Variants in CELF2 observed in about 807,000 individuals in gnomAD.
The protein encoded by CELF2 is CUGBP Elav-like family member 2, also known as CUG triplet repeat RNA-binding protein 2.
CELF2 carries 8 observed loss-of-function variants against 62.6 expected under a neutral mutation model. The observed-to-expected ratio is 0.13, with a 90% CI of 0.07 to 0.23. The LOEUF is 0.23. Among genes scored for constraint, CELF2 ranks in the 10% least tolerant of loss-of-function variants. CELF2 has a pLI of 1.00. For synonymous variants in CELF2, 258 were observed against 250.0 expected (o/e 1.03, Z -0.30); for missense variants, 333 against 671.0 (o/e 0.50, Z 5.56).
chr10:10,944,662 C>T (rs1296558821), intron 2 of CELF2, among the ~76,000 whole-genome samples: 7 of 151,696 alleles, frequency 4.6e-5, no homozygotes, highest in South Asian at 2.1e-4. Flanking sequence ...AGTGCAGTGG[C>T]GTGATCTCAG....
chr10:11,273,980 C>CA (rs2084980332), intron 7 of CELF2, among the ~76,000 whole-genome samples: 2 of 141,520 alleles, frequency 1.4e-5, no homozygotes, highest in African/African-American at 5.4e-5. Context: ...CCCCCCCCCC[C>CA]ACCTTGGCCT....
intron 9 of CELF2, among the ~76,000 whole-genome samples, chr10:11,298,619 T>A (rs1344835249): frequency 1.4e-5 from 2 of 142,532 alleles, no homozygotes; most frequent in Non-Finnish European, 3.1e-5. Context: ...TAATGTAATC[T>A]TAATTATTTT....
At chr10:11,109,771 C>T (rs561472230) in intron 1 of CELF2, among the ~76,000 whole-genome samples, 1 of 152,256 alleles carries the variant, frequency 6.6e-6, no homozygotes, top group African/African-American at 2.4e-5. Context: ...AACGCTTGTG[C>T]TCTGCAGGCC....
chr10:10,849,549 C>A (rs1458985260), intron 1 of CELF2, among the ~76,000 whole-genome samples: 1 of 152,196 alleles, frequency 6.6e-6, no homozygotes, highest in Non-Finnish European at 1.5e-5. Flanking sequence ...TCATTTGAGA[C>A]TGAGTTACAG....
At chr10:11,014,551 G>C (rs777501468), upstream of CELF2, among the ~76,000 whole-genome samples, 1 of 152,042 alleles carries the variant, frequency 6.6e-6, no homozygotes, top group African/African-American at 2.4e-5. Context: ...GGCAGGAAAA[G>C]GGTTTGTATT....
intron 3 of CELF2, 144 bp from the exon 4 acceptor site, chr10:11,249,009 T>C: frequency 1.5e-6 from 1 of 646,218 alleles, no homozygotes; most frequent in Non-Finnish European, 2.8e-6. Flanking sequence ...GCTTACTTTT[T>C]AACATAGTTA....
the CELF2 span, chr10:10,786,665 G>C: frequency 6.6e-6 from 1 of 152,210 alleles, no homozygotes; most frequent in Non-Finnish European, 1.5e-5. Flanking sequence ...GGAGGTCACA[G>C]GGAAGTAGAG....
intron 1 of CELF2, among the ~76,000 whole-genome samples, chr10:11,065,632 A>G (rs1011523888): frequency 1.3e-4 from 20 of 152,302 alleles, no homozygotes; most frequent in Non-Finnish European, 1.8e-4. Context: ...AATCTAAAAT[A>G]TGAAGTTCAG....
the CELF2 span, among the ~76,000 whole-genome samples, chr10:10,466,845 A>C: frequency 6.6e-6 from 1 of 151,996 alleles, no homozygotes; most frequent in African/African-American, 2.4e-5. Flanking sequence ...CTTATGGTAA[A>C]GTATCTGTTC....
chr10:10,882,004 CACTTCAGGAGAA>C (rs1327315093), intron 1 of CELF2, among the ~76,000 whole-genome samples: 1 of 152,122 alleles, frequency 6.6e-6, no homozygotes, highest in Non-Finnish European at 1.5e-5. Context: ...TTTTTAAGTC[CACTTCAGGAGAA>C]ATGGGCAGAA....
the CELF2 span, among the ~76,000 whole-genome samples, chr10:10,613,266 G>C: frequency 6.6e-6 from 1 of 152,120 alleles, no homozygotes; most frequent in African/African-American, 2.4e-5. Context: ...GAATATTATT[G>C]TTGCTTGACA....
chr10:10,655,942 A>C, the CELF2 span, among the ~76,000 whole-genome samples: 3 of 137,434 alleles, frequency 2.2e-5, no homozygotes, highest in Non-Finnish European at 3.2e-5. Context: ...GGCAACCTAC[A>C]AAATGGGAGA....
the CELF2 span, among the ~76,000 whole-genome samples, chr10:10,559,997 G>A: frequency 2.0e-5 from 3 of 152,154 alleles, no homozygotes; most frequent in African/African-American, 7.2e-5. Flanking sequence ...GACTGTGCAG[G>A]GCTTGAGGCT....
the CELF2 span, among the ~76,000 whole-genome samples, chr10:10,498,382 T>C: frequency 6.6e-6 from 1 of 152,220 alleles, no homozygotes; most frequent in African/African-American, 2.4e-5. Flanking sequence ...GGCCAAAACC[T>C]GCCGAATGGC....
chr10:11,319,136 C>T lies in CELF2; in HGVS notation c.1097-2053C>T, dbSNP rs1193270119. ...GCTCCTCTCCCGCCAGAATTTCCTC[C>T]ACACGGGCATCTGCATTTCCAGAGG... On this transcript the variant is annotated intron_variant, in intron 10 of 12. Transcript: ENST00000633077. This position sits in a 1 kb window ranked among gnomAD's most constrained non-coding sequence, Gnocchi z 4.4. 2 of 469,808 alleles carry T rather than the reference C, an allele frequency of 4.3e-6. No individual in the cohort carries two copies. The highest frequency in any genetic ancestry group is 2.4e-5 in the Admixed American group (1 of 42,340). 29.1% of individuals were successfully genotyped at this position (469,808 alleles called of 1,614,324 possible).
At chr10:11,119,861 G>GCCCCC (rs753268131) in intron 1 of CELF2, among the ~76,000 whole-genome samples, 2 of 102,962 alleles carry the variant, frequency 1.9e-5, no homozygotes, top group South Asian at 3.5e-4. Flanking sequence ...GCTTGATTCC[G>GCCCCC]CCTCCCCCCC....
At chr10:10,534,459 A>G in the CELF2 span, among the ~76,000 whole-genome samples, 1 of 152,206 alleles carries the variant, frequency 6.6e-6, no homozygotes, top group African/African-American at 2.4e-5. Flanking sequence ...CCTAGGAGGA[A>G]TAAGATGTGG....
At chr10:10,700,038 A>C in the CELF2 span, among the ~76,000 whole-genome samples, 1 of 152,194 alleles carries the variant, frequency 6.6e-6, no homozygotes, top group Non-Finnish European at 1.5e-5. Context: ...CACCCCCACT[A>C]GGTATCTGGA....
intron 2 of CELF2, among the ~76,000 whole-genome samples, chr10:11,175,630 C>T (rs2070782961): frequency 6.6e-6 from 1 of 152,150 alleles, no homozygotes; most frequent in Admixed American, 6.5e-5. Flanking sequence ...CAGGAGGGGG[C>T]CTCCGGTCAG....
Sources: gnomAD v4.1 joint callset for allele counts (sites outside exome capture counted in the v4.1 genomes callset) on GRCh38, gnomAD v4.1.1 for gene constraint, Gnocchi (gnomAD v3.1) non-coding constraint, MANE v1.5 for transcripts, NCBI Gene and HGNC (gene_info 2026-07-23, HGNC 2026-07-21) for gene names.